The following ZFAT variants were observed in gnomAD, a reference collection of about 807,000 sequenced individuals.
The protein encoded by ZFAT is zinc finger protein ZFAT.
In ZFAT, 64 loss-of-function variants were observed where a neutral mutation model predicts 117.7. That is an observed-to-expected ratio of 0.54 (90% CI 0.44 to 0.67). The LOEUF is 0.67. ZFAT is among the 30% of genes least tolerant of loss of function. The pLI is 0.00. For synonymous variants in ZFAT, 679 were observed against 615.0 expected (o/e 1.10, Z -1.54); for missense variants, 1,433 against 1,584.5 (o/e 0.90, Z 1.62).
chr8:134,691,790 T>C (rs763277522), intron 1 of ZFAT, among the ~76,000 whole-genome samples: 28 of 152,226 alleles, frequency 1.8e-4, no homozygotes, highest in Non-Finnish European at 5.9e-5. Flanking sequence ...TCCAAAATCA[T>C]CAATATCATT....
intron 2 of ZFAT, among the ~76,000 whole-genome samples, chr8:134,638,428 A>G (rs890624145): frequency 1.3e-5 from 2 of 152,010 alleles, no homozygotes; most frequent in South Asian, 2.1e-4. Context: ...AGCGGGGGCC[A>G]GGCGCGGTGG....
chr8:134,727,529 A>T, the ZFAT span, among the ~76,000 whole-genome samples: 2 of 152,236 alleles, frequency 1.3e-5, no homozygotes, highest in Non-Finnish European at 2.9e-5. Flanking sequence ...ACTCTGAAGT[A>T]TAAAACCAAA....
intron 1 of ZFAT, among the ~76,000 whole-genome samples, chr8:134,663,122 C>A (rs1223460243): frequency 1.3e-5 from 2 of 152,238 alleles, no homozygotes; most frequent in African/African-American, 4.8e-5. Context: ...TGAGATCCTG[C>A]CTTCGTGATC....
intron 11 of ZFAT, among the ~76,000 whole-genome samples, chr8:134,549,442 G>GAAAA (rs34384490): frequency 2.5e-5 from 3 of 119,404 alleles, no homozygotes; most frequent in African/African-American, 3.2e-5. Flanking sequence ...CTCCGTCTCA[G>GAAAA]AAAAAAAAAA....
chr8:134,695,942 G>A (rs903494391), intron 1 of ZFAT, among the ~76,000 whole-genome samples: 4 of 149,106 alleles, frequency 2.7e-5, no homozygotes, highest in African/African-American at 1.0e-4. Flanking sequence ...GGCCCTACCC[G>A]CATCTCTAAC....
the ZFAT span, among the ~76,000 whole-genome samples, chr8:134,720,529 C>A: frequency 6.6e-6 from 1 of 152,144 alleles, no homozygotes; most frequent in Non-Finnish European, 1.5e-5. Flanking sequence ...GAAACTTGGC[C>A]GAGATCTGAA....
intron 3 of ZFAT, among the ~76,000 whole-genome samples, chr8:134,635,570 C>T (rs1476471586): frequency 6.6e-6 from 1 of 151,684 alleles, no homozygotes; most frequent in African/African-American, 2.4e-5. Context: ...CTAGCTGTGC[C>T]GGAGCAGGGG....
chr8:134,519,849 A>G (rs1820521891), intron 13 of ZFAT, among the ~76,000 whole-genome samples: 1 of 152,078 alleles, frequency 6.6e-6, no homozygotes, highest in Admixed American at 6.5e-5. Flanking sequence ...TTAAGGATGT[A>G]TCCATCAAAT....
the ZFAT span, among the ~76,000 whole-genome samples, chr8:134,718,390 T>C: frequency 3.3e-5 from 5 of 151,988 alleles, no homozygotes; most frequent in East Asian, 9.7e-4. Context: ...CCCAGCTACT[T>C]GGGAGGCTGA....
the ZFAT span, among the ~76,000 whole-genome samples, chr8:134,769,046 C>A: frequency 6.6e-6 from 1 of 152,050 alleles, no homozygotes; most frequent in African/African-American, 2.4e-5. Context: ...GTGGGGTGTG[C>A]AATGTAGACC....
intron 12 of ZFAT, among the ~76,000 whole-genome samples, chr8:134,524,042 G>A (rs11782139): frequency 0.17 from 25,784 of 152,164 alleles, 2,339 homozygotes; most frequent in Non-Finnish European, 0.19. Flanking sequence ...CCCAGCACCC[G>A]GCATCTAGCT....
chr8:134,806,053 A>G, the ZFAT span, among the ~76,000 whole-genome samples: 2 of 152,166 alleles, frequency 1.3e-5, no homozygotes, highest in East Asian at 1.9e-4. Context: ...GAAAACAATT[A>G]AAGTCCACAA....
At chr8:134,831,129 A>C in the ZFAT span, among the ~76,000 whole-genome samples, 1 of 152,224 alleles carries the variant, frequency 6.6e-6, no homozygotes, top group African/African-American at 2.4e-5. Context: ...CTGCTTGGGC[A>C]TATCAAGTAC....
At chr8:134,832,091 G>A in the ZFAT span, among the ~76,000 whole-genome samples, 2 of 140,528 alleles carry the variant, frequency 1.4e-5, no homozygotes, top group African/African-American at 5.1e-5. Flanking sequence ...GGAGCGGCCG[G>A]GGGAGAGGGC....
At chr8:134,653,269 T>TAAAAAAAAAAAAAAA (rs1441852865) in intron 2 of ZFAT, among the ~76,000 whole-genome samples, 1 of 99,130 alleles carries the variant, frequency 1.0e-5, no homozygotes, top group Admixed American at 1.1e-4. Flanking sequence ...AATGTCTTTT[T>TAAAAAAAAAAAAAAA]TAAAAAAAAA....
chr8:134,503,706 C>T (rs1819164780), intron 15 of ZFAT, among the ~76,000 whole-genome samples: 1 of 152,098 alleles, frequency 6.6e-6, no homozygotes, highest in African/African-American at 2.4e-5. Context: ...GGAGGGAATT[C>T]TTCCTCCCAA....
chr8:134,822,918 T>A, the ZFAT span, among the ~76,000 whole-genome samples: 1 of 152,076 alleles, frequency 6.6e-6, no homozygotes, highest in South Asian at 2.1e-4. Context: ...TTCAGATTTT[T>A]AAAAAATCTA....
At chr8:134,767,266 G>A in the ZFAT span, 1 of 152,158 alleles carries the variant, frequency 6.6e-6, no homozygotes, top group African/African-American at 2.4e-5. Flanking sequence ...CATATAAAAT[G>A]TTAAAATTTC....
chr8:134,684,743 G>A (rs942138829), intron 1 of ZFAT, among the ~76,000 whole-genome samples: 2 of 152,188 alleles, frequency 1.3e-5, no homozygotes, highest in African/African-American at 4.8e-5. Flanking sequence ...TGGGGAAAAG[G>A]CATTCTTGGC....
Sources: allele counts gnomAD v4.1 joint callset (sites outside exome capture counted in the v4.1 genomes callset), GRCh38; gene constraint gnomAD v4.1.1; transcripts MANE v1.5; gene names NCBI Gene and HGNC (gene_info 2026-07-23, HGNC 2026-07-21).